CADM2: variants seen among roughly 807,000 people sequenced by gnomAD.
CADM2 encodes the protein immunoglobulin superfamily member 4D.
CADM2 carries 12 observed loss-of-function variants against 49.8 expected under a neutral mutation model. The observed-to-expected ratio is 0.24, with a 90% CI of 0.15 to 0.39. The LOEUF is 0.39. Ranked by LOEUF, CADM2 falls within the 10% of genes least tolerant of loss-of-function variation. The probability of loss-of-function intolerance (pLI) is 1.00; values close to 1 mark genes in which losing one functional copy is unlikely to be tolerated. For missense variants in CADM2, 378 were observed against 492.3 expected, an observed-to-expected ratio of 0.77 and a Z score of 2.20; for synonymous variants, 214 against 175.4, an observed-to-expected ratio of 1.22 and a Z score of -1.74.
intron 1 of CADM2, among the ~76,000 whole-genome samples, chr3:84,994,628 T>C (rs1171753264): frequency 6.6e-6 from 1 of 152,226 alleles, no homozygotes; most frequent in African/African-American, 2.4e-5. Context: ...TTTTCTTACC[T>C]TAACATTACT....
At chr3:85,132,819 G>T (rs1430977588) in intron 1 of CADM2, among the ~76,000 whole-genome samples, 1 of 152,154 alleles carries the variant, frequency 6.6e-6, no homozygotes, top group Admixed American at 6.5e-5. Flanking sequence ...AATCCACATG[G>T]TATAGTAGTG....
intron 1 of CADM2, among the ~76,000 whole-genome samples, chr3:85,223,407 A>G (rs1329991616): frequency 2.0e-5 from 3 of 152,070 alleles, no homozygotes; most frequent in African/African-American, 7.2e-5. Flanking sequence ...CATTCATCCT[A>G]TCTCCCTAGA....
chr3:85,676,154 C>T (rs566259712), intron 1 of CADM2, among the ~76,000 whole-genome samples: 1 of 152,290 alleles, frequency 6.6e-6, no homozygotes, highest in South Asian at 2.1e-4. Flanking sequence ...GCCTCCATGC[C>T]TGAGTGTTGA....
chr3:85,447,010 A>G (rs1282097762), intron 1 of CADM2, among the ~76,000 whole-genome samples: 1 of 135,588 alleles, frequency 7.4e-6, no homozygotes, highest in Non-Finnish European at 1.6e-5. Context: ...ATATATATAT[A>G]TATATATATA....
At chr3:85,720,105 C>T (rs2067445215) in intron 1 of CADM2, among the ~76,000 whole-genome samples, 1 of 152,088 alleles carries the variant, frequency 6.6e-6, no homozygotes, top group African/African-American at 2.4e-5. Context: ...TCTCCTCTAA[C>T]TGGTATTTTC....
chr3:84,966,763 CTCTT>C (rs1257480661), intron 1 of CADM2, among the ~76,000 whole-genome samples: 2 of 152,036 alleles, frequency 1.3e-5, no homozygotes, highest in African/African-American at 4.8e-5. Flanking sequence ...TTGGAAACAA[CTCTT>C]TCTGAGTCAG....
intron 1 of CADM2, among the ~76,000 whole-genome samples, chr3:85,591,952 C>T (rs535361346): frequency 6.6e-6 from 1 of 151,916 alleles, no homozygotes; most frequent in African/African-American, 2.4e-5. Flanking sequence ...GGCAATGAAA[C>T]ACAAAAGAAA....
At position 85,751,385 on chromosome 3, in the gene CADM2, C is replaced by T. The variant is rs573005950; in HGVS notation, c.88+24837C>T. Among the ~76,000 whole-genome samples the T allele has an allele frequency of 2.6e-5, 4 of 152,198 alleles. No individual in the cohort carries two copies. The South Asian group carries it at 8.3e-4, about 32-fold the overall frequency. ...GGATATCCTTGGTATTATTAGATGTCATCTTACAATATTTATCATCTTAAT... is the reference window on the plus strand; with the variant it reads ...GGATATCCTTGGTATTATTAGATGTTATCTTACAATATTTATCATCTTAAT... On this transcript the variant is annotated intron_variant, in intron 2 of 9. Transcript: ENST00000383699.
intron 1 of CADM2, among the ~76,000 whole-genome samples, chr3:85,538,370 G>A (rs1490785718): frequency 6.6e-6 from 1 of 152,086 alleles, no homozygotes; most frequent in African/African-American, 2.4e-5. Flanking sequence ...CATGACACAG[G>A]TGGAGATACC....
intron 8 of CADM2, among the ~76,000 whole-genome samples, chr3:85,969,499 T>C (rs149912303): frequency 6.6e-4 from 100 of 151,530 alleles, no homozygotes; most frequent in African/African-American, 2.4e-3. Flanking sequence ...TGAGGCCTTT[T>C]TTTTCCATTA....
intron 1 of CADM2, among the ~76,000 whole-genome samples, chr3:85,476,132 G>A (rs910589097): frequency 2.6e-5 from 4 of 151,694 alleles, no homozygotes; most frequent in Non-Finnish European, 5.9e-5. Context: ...TTACCAAAAA[G>A]GGATTTGCCT....
At chr3:85,140,175 A>G (rs190695068) in intron 1 of CADM2, among the ~76,000 whole-genome samples, 4 of 152,308 alleles carry the variant, frequency 2.6e-5, no homozygotes, top group African/African-American at 4.8e-5. Context: ...CTCCCACTCT[A>G]CCGGGTTCTC....
intron 3 of CADM2, among the ~76,000 whole-genome samples, chr3:85,816,956 T>A (rs540796078): frequency 6.6e-6 from 1 of 152,204 alleles, no homozygotes; most frequent in Non-Finnish European, 1.5e-5. Flanking sequence ...ATAATACAAT[T>A]TAGAAATACC....
At chr3:85,180,262 A>C (rs2040896750) in intron 1 of CADM2, among the ~76,000 whole-genome samples, 1 of 152,102 alleles carries the variant, frequency 6.6e-6, no homozygotes, top group South Asian at 2.1e-4. Flanking sequence ...TAATCCCAGC[A>C]CTTTGGGAGG....
chr3:85,118,011 T>A (rs902654675), intron 1 of CADM2, among the ~76,000 whole-genome samples: 1 of 152,164 alleles, frequency 6.6e-6, no homozygotes, highest in Non-Finnish European at 1.5e-5. Context: ...TCTTTGCTTC[T>A]CTAAACTGCT....
chr3:85,648,414 C>A (rs1418802309), intron 1 of CADM2, among the ~76,000 whole-genome samples: 3 of 151,814 alleles, frequency 2.0e-5, no homozygotes, highest in Non-Finnish European at 3.0e-5. Context: ...GTTTTTTCCA[C>A]CCCCCTCTAT....
intron 1 of CADM2, among the ~76,000 whole-genome samples, chr3:85,401,020 T>G (rs2035080802): frequency 6.6e-6 from 1 of 152,178 alleles, no homozygotes; most frequent in African/African-American, 2.4e-5. Flanking sequence ...TGCTTTACTT[T>G]CAGAAACAGG....
At chr3:86,037,017 T>A (rs1735249259) in intron 8 of CADM2, among the ~76,000 whole-genome samples, 1 of 152,152 alleles carries the variant, frequency 6.6e-6, no homozygotes, top group Non-Finnish European at 1.5e-5. Context: ...GCTGTTAACT[T>A]GTCTCTTTGC....
Position 85,472,849 on chromosome 3 carries a change from C to T in CADM2, c.62-253673C>T, listed in dbSNP as rs577585140. Among the ~76,000 whole-genome samples the T allele has an allele frequency of 9.2e-5, 14 of 151,990 alleles. 1 individual carries two copies. In the South Asian group the frequency reaches 1.7e-3, roughly 18 times the overall value. ...GACATTAAGTAATTGACAATTTTACCGAGCTAGGAGTGATAGAGTAACTGG... is the reference window on the plus strand; with the variant it reads ...GACATTAAGTAATTGACAATTTTACTGAGCTAGGAGTGATAGAGTAACTGG... On this transcript the variant is annotated intron_variant, in intron 1 of 9. Transcript: ENST00000383699.
Sources: allele counts gnomAD v4.1 joint callset (sites outside exome capture counted in the v4.1 genomes callset), GRCh38; gene constraint gnomAD v4.1.1; transcripts MANE v1.5; gene names NCBI Gene and HGNC (gene_info 2026-07-23, HGNC 2026-07-21).